Variants in L1TD1 observed in about 807,000 individuals in gnomAD.
L1TD1 encodes the protein LINE1 type transposase domain containing 1, also known as LINE-1 type transposase domain-containing protein 1.
In L1TD1, 26 loss-of-function variants were observed where a neutral mutation model predicts 25.7. That is an observed-to-expected ratio of 1.01 (90% CI 0.74 to 1.40). The LOEUF (loss-of-function observed/expected upper bound fraction) is 1.40. Ranked by LOEUF, L1TD1 falls within the 40% of genes most tolerant of loss-of-function variation. The pLI is 0.00. For missense variants in L1TD1, 1,130 were observed against 975.0 expected (o/e 1.16, Z -2.12); for synonymous variants, 421 against 335.6 (o/e 1.25, Z -2.78).
intron 2 of L1TD1, among the ~76,000 whole-genome samples, chr1:62,205,441 A>ATTTTTTTTTTTTT (rs1447667211): frequency 8.0e-4 from 43 of 53,852 alleles, no homozygotes; most frequent in African/African-American, 1.0e-3. Flanking sequence ...ATATATATAT[A>ATTTTTTTTTTTTT]TATTTTTTTT....
chr1:62,210,516 C>G lies in L1TD1; in HGVS notation c.1742C>G (p.Thr581Arg), dbSNP rs147208373. 67 of 1,613,440 alleles carry G rather than the reference C, an allele frequency of 4.2e-5. No homozygotes were observed. In the African/African-American group the frequency reaches 8.7e-4, roughly 21 times the overall value. ...TCACATACAAATTTGAGTATTTCAA[C>G]AGGAGTCACCAAACTTAAGAAAACA... is the stretch of plus-strand genomic sequence containing the variant. The part of the protein sequence containing the change: ...KHSHTNLSIS[T>R]GVTKLKKTEE... Residue 581 changes from threonine to arginine, a missense_variant, in exon 4 of 4, where the codon ACA becomes AGA. Physicochemically the swap from Thr to Arg is moderately conservative, Grantham distance 71 (BLOSUM62 -1). Transcript: ENST00000498273.
intron 2 of L1TD1, among the ~76,000 whole-genome samples, chr1:62,202,367 A>G (rs1469388096): frequency 6.6e-6 from 1 of 150,804 alleles, no homozygotes; most frequent in Admixed American, 6.6e-5. Flanking sequence ...TTTAGTAATC[A>G]TTTACATGTT....
chr1:62,205,443 A>ATTTTTTTT (rs1261055805), intron 2 of L1TD1, among the ~76,000 whole-genome samples: 1 of 63,664 alleles, frequency 1.6e-5, no homozygotes, highest in African/African-American at 5.6e-5. Context: ...ATATATATAT[A>ATTTTTTTT]TTTTTTTTTA....
At chr1:62,195,808 G>A (rs900728648) in intron 1 of L1TD1, among the ~76,000 whole-genome samples, 1 of 152,066 alleles carries the variant, frequency 6.6e-6, no homozygotes, top group African/African-American at 2.4e-5. Context: ...GGAGGCCGAG[G>A]CGGGGGCGGA....
intron 2 of L1TD1, among the ~76,000 whole-genome samples, chr1:62,200,957 C>T (rs924775791): frequency 1.4e-4 from 21 of 151,638 alleles, no homozygotes; most frequent in African/African-American, 4.6e-4. Context: ...GAGATGGAGT[C>T]TTGCTCGCTC....
At position 62,194,876 on chromosome 1, in the gene L1TD1, A is replaced by C. The variant is rs1474296678; in HGVS notation, c.-250A>C. 2 of 152,364 alleles carry C rather than the reference A, an allele frequency of 1.3e-5. No individual in the cohort carries two copies. Among genetic ancestry groups the C allele is most frequent in the African/African-American group, 4.8e-5 (2 of 41,428 alleles). The allele number at this position is 152,364 out of a possible 1,614,324, so 9.4% of individuals were successfully genotyped here. A position where few individuals can be genotyped will look rare whatever the true frequency, so the allele number is the denominator to read the frequency against. On this transcript the variant is annotated 5_prime_UTR_variant, in exon 1 of 4. Coordinates refer to ENST00000498273, the MANE Select transcript of L1TD1 (RefSeq NM_019079.5). Reference sequence around the variant, plus strand: ...TCCTTAGTTACAAGGCTCCATCCTCACTTTGTTCGCTCCTCAGTCGTCCAG... The same window carrying C: ...TCCTTAGTTACAAGGCTCCATCCTCCCTTTGTTCGCTCCTCAGTCGTCCAG...
chr1:62,203,969 A>T (rs1570925245), intron 2 of L1TD1, among the ~76,000 whole-genome samples: 1 of 152,034 alleles, frequency 6.6e-6, no homozygotes, highest in Non-Finnish European at 1.5e-5. Flanking sequence ...CAGGGGATCC[A>T]CCTGCCTTGG....
chr1:62,206,535 A>T lies in L1TD1; in HGVS notation c.-94A>T. ...GTATTTCAGATTGACGTATTTTAAGATTTTTTTAACTTCTGAAGTCTAGCA... is the reference window on the plus strand; with the variant it reads ...GTATTTCAGATTGACGTATTTTAAGTTTTTTTTAACTTCTGAAGTCTAGCA... On this transcript the variant is annotated 5_prime_UTR_variant, in exon 3 of 4. Coordinates refer to ENST00000498273, the MANE Select transcript of L1TD1 (RefSeq NM_019079.5). 8.1e-7 allele frequency: 1 copy of T among 1,241,140 alleles called. No homozygotes were observed. The highest frequency in any genetic ancestry group is 2.7e-5 in the East Asian group (1 of 36,744). 76.9% of individuals were successfully genotyped at this position (1,241,140 alleles called of 1,614,324 possible).
chr1:62,210,907 G>C lies in L1TD1; in HGVS notation c.2133G>C (p.Glu711Asp), dbSNP rs749524579. Reference sequence around the variant, plus strand: ...GTTTGATAGGAATTCCAGAAAAGGAGAGTTATGAGAATAGGGCAGAGGACA... The same window carrying C: ...GTTTGATAGGAATTCCAGAAAAGGACAGTTATGAGAATAGGGCAGAGGACA... ...NIRLIGIPEK[E>D]SYENRAEDII... The change falls in exon 4 of 4, where the codon GAG becomes GAC. Residue 711 changes from glutamate (E) to aspartate (D), a missense_variant. Glu to Asp is a conservative substitution (Grantham distance 45). Transcript: ENST00000498273. The C allele has an allele frequency of 1.9e-6, 3 of 1,551,384 alleles. No homozygotes were observed. The highest frequency in any genetic ancestry group is 2.6e-6 in the Non-Finnish European group (3 of 1,146,926).
rs1199755274 is a variant in L1TD1, at chr1:62,210,133, T to C, written c.1359T>C (p.Asp453=). The change falls in exon 4 of 4, where the codon GAT becomes GAC. Residue 453 remains aspartate, a synonymous_variant. Coordinates refer to ENST00000498273, the MANE Select transcript of L1TD1 (RefSeq NM_019079.5). ...DSTFQGHTLV[D]AKHEVEITSD... ...CCTTTCAGGGTCATACTTTGGTAGA[T>C]GCAAAGCATGAAGTTGAGATAACCA... The C allele has an allele frequency of 6.2e-7, 1 of 1,613,958 alleles. No individual in the cohort carries two copies. The highest frequency in any genetic ancestry group is 8.5e-7 in the Non-Finnish European group (1 of 1,180,002).
chr1:62,201,129 A>G (rs1670631907), intron 2 of L1TD1, among the ~76,000 whole-genome samples: 1 of 152,050 alleles, frequency 6.6e-6, no homozygotes, highest in South Asian at 2.1e-4. Context: ...GGGTTTCACC[A>G]TGTTGGCCAG....
intron 3 of L1TD1, among the ~76,000 whole-genome samples, chr1:62,209,107 T>C (rs1670808338): frequency 2.0e-5 from 3 of 152,118 alleles, no homozygotes; most frequent in Non-Finnish European, 2.9e-5. Flanking sequence ...TACTTTATAT[T>C]ACAAAAATCC....
chr1:62,208,802 A>AT lies in L1TD1; in HGVS notation c.1009-974dup, dbSNP rs139384954. Among the ~76,000 whole-genome samples the AT allele has an allele frequency of 8.5e-3, 1,295 of 152,180 alleles. 8 individuals are homozygous for AT. Among genetic ancestry groups the AT allele is most frequent in the African/African-American group, 0.029 (1,219 of 41,514 alleles). The stretch of plus-strand genomic sequence containing the variant: ...CCAAGGTCTATATTCGTAAGCCAAT[A>AT]TTTTTTTACATGTTTTCAAATGAAC... On this transcript the variant is annotated intron_variant, in intron 3 of 3. Coordinates refer to ENST00000498273, the MANE Select transcript of L1TD1 (RefSeq NM_019079.5).
rs1670858539 is a variant in L1TD1 at position 62,211,056 on chromosome 1, TG to T, written c.2284del (p.Val762Ter). 1.3e-6 allele frequency: 2 copies of T among 1,550,926 alleles called. No individual in the cohort carries two copies. ...DEKRLTPRHI[L>X]VKFWNSSDKE... Reference sequence around the variant, plus strand: ...AAGAGACTGACTCCTAGACACATCTTGGTGAAATTTTGGAATTCTAGTGATA... The same window carrying T: ...AAGAGACTGACTCCTAGACACATCTTGTGAAATTTTGGAATTCTAGTGATA... On this transcript the variant is annotated frameshift_variant, in exon 4 of 4. Coordinates refer to ENST00000498273, the MANE Select transcript of L1TD1 (RefSeq NM_019079.5). LOFTEE classifies it low-confidence loss of function (END_TRUNC).
At chr1:62,199,972 G>C (rs1427630979) in intron 2 of L1TD1, among the ~76,000 whole-genome samples, 1 of 152,004 alleles carries the variant, frequency 6.6e-6, no homozygotes. Context: ...TTTTGTATAT[G>C]TGTTTACAAA....
chr1:62,201,556 AT>A (rs772626347), intron 2 of L1TD1, among the ~76,000 whole-genome samples: 1 of 151,156 alleles, frequency 6.6e-6, no homozygotes, highest in Non-Finnish European at 1.5e-5. Flanking sequence ...CATCACCTAG[AT>A]TCAAAAACAA....
At chr1:62,209,166 C>CT (rs1670809629) in intron 3 of L1TD1, among the ~76,000 whole-genome samples, 1 of 152,108 alleles carries the variant, frequency 6.6e-6, no homozygotes, top group African/African-American at 2.4e-5. Context: ...AATTGAGGCA[C>CT]TAGTAGCAAA....
At chr1:62,198,516 ACCCCCCGCCGC>A (rs1357565013) in intron 2 of L1TD1, among the ~76,000 whole-genome samples, 1 of 145,336 alleles carries the variant, frequency 6.9e-6, no homozygotes, top group East Asian at 2.0e-4. Context: ...ACACACACCG[ACCCCCCGCCGC>A]CGCCCCACCC....
At chr1:62,205,506 A>G (rs1670729260) in intron 2 of L1TD1, among the ~76,000 whole-genome samples, 1 of 143,756 alleles carries the variant, frequency 7.0e-6, no homozygotes, top group South Asian at 2.3e-4. Flanking sequence ...AACTTGGCTC[A>G]CTGAAACCTC....
Sources: allele counts gnomAD v4.1 joint callset (sites outside exome capture counted in the v4.1 genomes callset), GRCh38; gene constraint gnomAD v4.1.1; transcripts MANE v1.5; gene names NCBI Gene and HGNC (gene_info 2026-07-23, HGNC 2026-07-21).